Variants in IL1RAPL2 observed in about 807,000 individuals in gnomAD.
IL1RAPL2 encodes the protein interleukin 1 receptor accessory protein like 2.
In IL1RAPL2, 3 loss-of-function variants were observed where a neutral mutation model predicts 44.1. That is an observed-to-expected ratio of 0.07 (90% CI 0.03 to 0.18). The LOEUF (loss-of-function observed/expected upper bound fraction) is 0.18. IL1RAPL2 is among the 10% of genes least tolerant of loss of function. The pLI is 1.00. For synonymous variants in IL1RAPL2, 181 were observed against 178.8 expected (o/e 1.01, Z -0.10); for missense variants, 391 against 496.4 (o/e 0.79, Z 2.02).
At chrX:105,120,210 G>A (rs1310578628) in intron 2 of IL1RAPL2, among the ~76,000 whole-genome samples, 1 of 106,335 alleles carries the variant, frequency 9.4e-6, no homozygotes, top group African/African-American at 3.4e-5. Flanking sequence ...AGCAAAACCT[G>A]TATGATACAT....
Position 104,888,705 on chromosome X carries a change from C to T in IL1RAPL2, c.82+229710C>T, listed in dbSNP as rs748866788. On this transcript the variant is annotated intron_variant, in intron 2 of 10. Transcript: ENST00000372582. ...GTATCTCTCTATCAACTTCTGCTTA[C>T]GTTGCCACTCCCATTCCTGCAAAAA... Among the ~76,000 whole-genome samples the T allele has an allele frequency of 1.9e-4, 21 of 111,408 alleles. No homozygotes were observed. The South Asian group carries it at 3.4e-3, about 18-fold the overall frequency.
At chrX:104,580,695 G>C (rs1237053190) in intron 1 of IL1RAPL2, among the ~76,000 whole-genome samples, 2 of 112,242 alleles carry the variant, frequency 1.8e-5, no homozygotes, top group South Asian at 7.4e-4. Flanking sequence ...CTGAGGGAGA[G>C]AGAAGTCTGT....
chrX:105,051,600 C>T (rs1422691183), intron 2 of IL1RAPL2, among the ~76,000 whole-genome samples: 1 of 112,952 alleles, frequency 8.9e-6, no homozygotes, highest in Non-Finnish European at 1.9e-5. Context: ...CTCCAAAGAG[C>T]AGGAGGCCTG....
At chrX:105,164,438 G>A (rs1387960787) in intron 2 of IL1RAPL2, among the ~76,000 whole-genome samples, 1 of 111,973 alleles carries the variant, frequency 8.9e-6, no homozygotes, top group East Asian at 2.8e-4. Context: ...TTACCCCAGG[G>A]GGACTATGAG....
At chrX:104,928,811 T>C (rs1257493254) in intron 2 of IL1RAPL2, among the ~76,000 whole-genome samples, 5 of 110,782 alleles carry the variant, frequency 4.5e-5, no homozygotes, top group Admixed American at 2.9e-4. Flanking sequence ...TGGGGAAAAA[T>C]TGGGCTTCTT....
chrX:105,644,493 G>T (rs1373227991), intron 6 of IL1RAPL2, among the ~76,000 whole-genome samples: 1 of 111,606 alleles, frequency 9.0e-6, no homozygotes, highest in Non-Finnish European at 1.9e-5. Context: ...TTCTGGTAAA[G>T]AAGTAGGGAC....
chrX:105,473,898 TTCTGCTTCTTTAAATTTTA>T (rs1370037960), intron 5 of IL1RAPL2, among the ~76,000 whole-genome samples: 3 of 112,137 alleles, frequency 2.7e-5, no homozygotes, highest in African/African-American at 9.7e-5. Context: ...CAATGTCATA[TTCTGCTTCTTTAAATTTTA>T]TCTATATTTT....
At chrX:105,542,730 TA>T (rs1396358267) in intron 6 of IL1RAPL2, among the ~76,000 whole-genome samples, 15 of 56,147 alleles carry the variant, frequency 2.7e-4, no homozygotes, top group Middle Eastern at 0.01. Flanking sequence ...TTTATTTATT[TA>T]ATTTATTATT....
chrX:105,096,363 CAT>C (rs1479920792), intron 2 of IL1RAPL2, among the ~76,000 whole-genome samples: 1 of 111,751 alleles, frequency 8.9e-6, no homozygotes, highest in African/African-American at 3.3e-5. Context: ...AAAATGAAAA[CAT>C]ATATTTATAC....
intron 1 of IL1RAPL2, among the ~76,000 whole-genome samples, chrX:104,569,217 T>C (rs1928099572): frequency 8.9e-6 from 1 of 111,932 alleles, no homozygotes; most frequent in African/African-American, 3.2e-5. Flanking sequence ...TCTGCTTCCC[T>C]CTCTGATATC....
rs760486115 is a variant in IL1RAPL2, at chrX:104,783,516, A to G, written c.82+124521A>G. The stretch of plus-strand genomic sequence containing the variant: ...TTTAGAATTCATTTTTATTTATCTC[A>G]ATACAGCTGCCTTTTTAATTGGCAA... On this transcript the variant is annotated intron_variant, in intron 2 of 10. Coordinates refer to ENST00000372582, the MANE Select transcript of IL1RAPL2 (RefSeq NM_017416.2). Among the ~76,000 whole-genome samples the G allele has an allele frequency of 3.6e-5, 4 of 110,931 alleles. No individual in the cohort carries two copies. In the South Asian group the frequency reaches 1.2e-3, roughly 32 times the overall value.
intron 5 of IL1RAPL2, among the ~76,000 whole-genome samples, chrX:105,440,921 T>C (rs2035916213): frequency 8.9e-6 from 1 of 111,925 alleles, no homozygotes; most frequent in African/African-American, 3.3e-5. Context: ...ACAAGCTCTC[T>C]TGTCTACCAC....
chrX:104,852,535 C>T (rs1323942955), intron 2 of IL1RAPL2, among the ~76,000 whole-genome samples: 1 of 112,370 alleles, frequency 8.9e-6, no homozygotes, highest in Non-Finnish European at 1.9e-5. Context: ...ACACAAGCAA[C>T]TCCATTTTGA....
chrX:104,903,050 C>A (rs746891172), intron 2 of IL1RAPL2, among the ~76,000 whole-genome samples: 18 of 111,103 alleles, frequency 1.6e-4, no homozygotes, highest in African/African-American at 5.9e-4. Context: ...GCTTATTGTC[C>A]TATTAGAACT....
At chrX:105,179,869 CA>C (rs2033512220) in intron 2 of IL1RAPL2, among the ~76,000 whole-genome samples, 1 of 108,995 alleles carries the variant, frequency 9.2e-6, no homozygotes, top group Admixed American at 9.9e-5. Flanking sequence ...ATTAATTGAT[CA>C]AATCAAAGAG....
intron 6 of IL1RAPL2, among the ~76,000 whole-genome samples, chrX:105,565,228 C>T (rs2036966463): frequency 9.0e-6 from 1 of 111,245 alleles, no homozygotes; most frequent in South Asian, 3.8e-4. Context: ...CTCTCTAGAC[C>T]ATAGAAATCA....
At chrX:105,362,033 T>A (rs1006659576) in intron 5 of IL1RAPL2, among the ~76,000 whole-genome samples, 1 of 111,964 alleles carries the variant, frequency 8.9e-6, no homozygotes, top group Non-Finnish European at 1.9e-5. Flanking sequence ...TACTGACTGC[T>A]AAACAATTAT....
intron 5 of IL1RAPL2, among the ~76,000 whole-genome samples, chrX:105,381,655 A>G (rs2035431306): frequency 8.9e-6 from 1 of 112,023 alleles, no homozygotes; most frequent in Non-Finnish European, 1.9e-5. Context: ...TTTATGGGGT[A>G]TAAGTGATAT....
chrX:104,790,269 G>A (rs1451066132), intron 2 of IL1RAPL2, among the ~76,000 whole-genome samples: 1 of 111,874 alleles, frequency 8.9e-6, no homozygotes, highest in Non-Finnish European at 1.9e-5. Flanking sequence ...ATGGATGCTG[G>A]GAGAGAGTCT....
Sources: allele counts gnomAD v4.1 joint callset (sites outside exome capture counted in the v4.1 genomes callset), GRCh38; gene constraint gnomAD v4.1.1; transcripts MANE v1.5; gene names NCBI Gene and HGNC (gene_info 2026-07-23, HGNC 2026-07-21).